CLK4: variants seen among roughly 807,000 people sequenced by gnomAD.
CLK4 encodes dual specificity protein kinase CLK4.
Under a neutral mutation model 64.4 loss-of-function variants are expected in CLK4, and 37 were observed. That is an observed-to-expected ratio of 0.57 (90% CI 0.44 to 0.76). The LOEUF (loss-of-function observed/expected upper bound fraction) is 0.76. Among genes scored for constraint, CLK4 ranks in the 30% least tolerant of loss-of-function variants. The pLI is 0.00. For missense variants in CLK4, 457 were observed against 605.1 expected, an observed-to-expected ratio of 0.76 and a Z score of 2.57; for synonymous variants, 175 against 191.6, an observed-to-expected ratio of 0.91 and a Z score of 0.72.
Position 178,616,956 on chromosome 5 carries a change from G to C in CLK4, c.476-8C>G. ...AAGTGTCCACGATTTCATCTAGAGT[G>C]AGGAGGGAAAAAGAGGTGTAAGTAC... On this transcript the variant is annotated splice_region_variant and splice_polypyrimidine_tract_variant and intron_variant, in intron 4 of 12. Transcript: ENST00000316308. 6.2e-7 allele frequency: 1 copy of C among 1,608,736 alleles called. No homozygotes were observed. The highest frequency in any genetic ancestry group is 8.5e-7 in the Non-Finnish European group (1 of 1,175,256).
chr5:178,614,980 T>A (rs1764606720), intron 5 of CLK4, among the ~76,000 whole-genome samples: 1 of 152,216 alleles, frequency 6.6e-6, no homozygotes, highest in African/African-American at 2.4e-5. Flanking sequence ...CAGATATTTA[T>A]CTATGGCTAT....
At position 178,610,850 on chromosome 5, in the gene CLK4, T is replaced by C. The variant is rs527568159; in HGVS notation, c.1051+1566A>G. 2.0e-5 allele frequency among the ~76,000 whole-genome samples: 3 copies of C among 152,092 alleles called. No individual in the cohort carries two copies. The East Asian group carries it at 5.8e-4, about 29-fold the overall frequency. ...ACTTTGGGAGGCCGAGGCAGGAGGA[T>C]CACCTGAGGTCAGGAGTTCGAGACC... On this transcript the variant is annotated intron_variant, in intron 9 of 12. Coordinates refer to ENST00000316308, the MANE Select transcript of CLK4 (RefSeq NM_020666.3).
chr5:178,623,877 T>C (rs572480947), intron 1 of CLK4, among the ~76,000 whole-genome samples: 1 of 152,374 alleles, frequency 6.6e-6, no homozygotes, highest in East Asian at 1.9e-4. Flanking sequence ...ATTAAGTTAT[T>C]GACATATTTT....
intron 2 of CLK4, among the ~76,000 whole-genome samples, chr5:178,619,208 A>G (rs1446045435): frequency 1.3e-5 from 2 of 152,256 alleles, no homozygotes; most frequent in Non-Finnish European, 2.9e-5. Context: ...CATGAAAGGT[A>G]TATTAGAGCT....
intron 1 of CLK4, among the ~76,000 whole-genome samples, chr5:178,625,192 T>C (rs1764761641): frequency 6.6e-6 from 1 of 152,174 alleles, no homozygotes; most frequent in South Asian, 2.1e-4. Context: ...GAAAAATTTA[T>C]GGCTGGACGC....
At chr5:178,619,116 C>A (rs1764669506) in intron 2 of CLK4, among the ~76,000 whole-genome samples, 1 of 152,152 alleles carries the variant, frequency 6.6e-6, no homozygotes, top group African/African-American at 2.4e-5. Flanking sequence ...CACAGAGGTA[C>A]AATCAGAGGC....
intron 10 of CLK4, among the ~76,000 whole-genome samples, chr5:178,607,503 T>A (rs1389536954): frequency 1.5e-5 from 2 of 133,374 alleles, no homozygotes; most frequent in African/African-American, 2.6e-5. Context: ...TACCTACACT[T>A]TGTCTTTTTT....
At chr5:178,622,004 T>C (rs1764713815) in intron 2 of CLK4, 1 of 152,168 alleles carries the variant, frequency 6.6e-6, no homozygotes, top group Non-Finnish European at 1.5e-5. Context: ...CAAACACATC[T>C]GGTACAAATA....
In CLK4 at chr5:178,603,570, A is replaced by C. The variant is rs1431440272; in HGVS notation, c.*47T>G. ...TGTTTAGTTGACTGACACAGTCTTAAGTAATCTCTTCTAGAGAAGTATATA... is the reference window on the plus strand; with the variant it reads ...TGTTTAGTTGACTGACACAGTCTTACGTAATCTCTTCTAGAGAAGTATATA... On this transcript the variant is annotated 3_prime_UTR_variant, in exon 13 of 13. Transcript: ENST00000316308. 7.3e-7 allele frequency: 1 copy of C among 1,369,412 alleles called. No individual in the cohort carries two copies. Among genetic ancestry groups the C allele is most frequent in the East Asian group, 2.4e-5 (1 of 42,004 alleles). The allele number at this position is 1,369,412 out of a possible 1,614,324, so 84.8% of individuals were successfully genotyped here. A position where few individuals can be genotyped will look rare whatever the true frequency, so the allele number is the denominator to read the frequency against.
rs866412937 is a variant in CLK4, at chr5:178,612,337, C to A, written c.1051+79G>T. On this transcript the variant is annotated intron_variant, in intron 9 of 12. Coordinates refer to ENST00000316308, the MANE Select transcript of CLK4 (RefSeq NM_020666.3). ...GAATCCTGCTGAGAAGATCATACTT[C>A]CCCACCCCACCAGTAAAGCTGTAAA... 127 of 1,289,622 alleles carry A rather than the reference C, an allele frequency of 9.8e-5. No individual in the cohort carries two copies. The African/African-American group carries it at 1.5e-3, about 15-fold the overall frequency. The allele number at this position is 1,289,622 out of a possible 1,614,324, so 79.9% of individuals were successfully genotyped here.
chr5:178,623,127 A>G lies in CLK4; in HGVS notation c.161+129T>C, dbSNP rs1278966597. The G allele has an allele frequency of 3.2e-6, 3 of 938,814 alleles. No homozygotes were observed. In the African/African-American group the frequency reaches 5.0e-5, roughly 16 times the overall value. 58.2% of individuals were successfully genotyped at this position (938,814 alleles called of 1,614,324 possible). ...AGCGCCTATCTAAAATAAGTACTCA[A>G]ATATTTTCTAAACGAATATTTGTTG... On this transcript the variant is annotated intron_variant, in intron 2 of 12. Coordinates refer to ENST00000316308, the MANE Select transcript of CLK4 (RefSeq NM_020666.3).
At chr5:178,623,516 AG>A in intron 1 of CLK4, 100 bp from the exon 2 acceptor site, 3 of 995,230 alleles carry the variant, frequency 3.0e-6, no homozygotes, top group Non-Finnish European at 4.0e-6. Flanking sequence ...CCCAACACAC[AG>A]GGTCTTACAG....
chr5:178,602,819 CG>C lies in CLK4; in HGVS notation c.*797del, dbSNP rs1764406670. The C allele has an allele frequency of 6.6e-6, 1 of 152,118 alleles. No homozygotes were observed. Among genetic ancestry groups the C allele is most frequent in the African/African-American group, 2.4e-5 (1 of 41,420 alleles). The allele number at this position is 152,118 out of a possible 1,614,324, so 9.4% of individuals were successfully genotyped here. A position where few individuals can be genotyped will look rare whatever the true frequency, so the allele number is the denominator to read the frequency against. ...AATAAACTTAATTCTTATAGGTTTA[CG>C]TATTTATGTCATTTGATAAACAGAT... On this transcript the variant is annotated 3_prime_UTR_variant, in exon 13 of 13. Coordinates refer to ENST00000316308, the MANE Select transcript of CLK4 (RefSeq NM_020666.3).
At chr5:178,609,801 C>G (rs946642878) in intron 9 of CLK4, among the ~76,000 whole-genome samples, 1 of 147,270 alleles carries the variant, frequency 6.8e-6, no homozygotes, top group Admixed American at 6.7e-5. Context: ...CCCAGCTACT[C>G]AGGAGGCTGA....
intron 9 of CLK4, among the ~76,000 whole-genome samples, chr5:178,609,824 G>A (rs773244499): frequency 1.3e-5 from 2 of 150,700 alleles, no homozygotes; most frequent in Non-Finnish European, 3.0e-5. Flanking sequence ...CAGGAGAATC[G>A]CTTGAACCCG....
intron 7 of CLK4, among the ~76,000 whole-genome samples, 192 bp downstream of exon 7, chr5:178,613,281 C>T (rs1209767882): frequency 6.6e-6 from 1 of 152,078 alleles, no homozygotes; most frequent in Non-Finnish European, 1.5e-5. Context: ...ATTAGCTGGG[C>T]ATGGTGGTGG....
intron 5 of CLK4, among the ~76,000 whole-genome samples, chr5:178,616,239 C>G (rs1764625621): frequency 6.6e-6 from 1 of 152,142 alleles, no homozygotes; most frequent in Non-Finnish European, 1.5e-5. Context: ...ACTGGGATTA[C>G]AGGCATGTGC....
chr5:178,615,598 T>C (rs895960007), intron 5 of CLK4, among the ~76,000 whole-genome samples: 3 of 152,230 alleles, frequency 2.0e-5, no homozygotes, highest in Non-Finnish European at 4.4e-5. Context: ...AGTTTGTTTA[T>C]GGATGATGGT....
At chr5:178,605,454 A>G (rs1764453917) in intron 10 of CLK4, 72 bp from the exon 11 acceptor site, 1 of 930,850 alleles carries the variant, frequency 1.1e-6, no homozygotes, top group Non-Finnish European at 1.6e-6. Context: ...TTTAATCTAA[A>G]ATTTTAGTTT....
Sources: allele counts gnomAD v4.1 joint callset (sites outside exome capture counted in the v4.1 genomes callset), GRCh38; gene constraint gnomAD v4.1.1; transcripts MANE v1.5; gene names NCBI Gene and HGNC (gene_info 2026-07-23, HGNC 2026-07-21).